The following CELF4 variants were observed in gnomAD, a reference collection of about 807,000 sequenced individuals.
CELF4 encodes the protein CUG-BP- and ETR-3-like factor 4.
CELF4 carries 18 observed loss-of-function variants against 59.9 expected under a neutral mutation model. The observed-to-expected ratio is 0.30, with a 90% CI of 0.21 to 0.45. The LOEUF (loss-of-function observed/expected upper bound fraction) is 0.45, where lower values mean the gene tolerates loss of function less well. Ranked by LOEUF, CELF4 falls within the 20% of genes least tolerant of loss-of-function variation. The probability of loss-of-function intolerance (pLI) is 1.00; values close to 1 mark genes in which losing one functional copy is unlikely to be tolerated. For missense variants in CELF4, 456 were observed against 689.0 expected, an observed-to-expected ratio of 0.66 and a Z score of 3.79; for synonymous variants, 261 against 267.1, an observed-to-expected ratio of 0.98 and a Z score of 0.22.
chr18:37,348,618 G>A lies in CELF4; in HGVS notation c.370-26737C>T, dbSNP rs55758119. Among the ~76,000 whole-genome samples, 1,278 of 152,154 alleles carry A rather than the reference G, an allele frequency of 8.4e-3. 19 individuals are homozygous for A. Among genetic ancestry groups the A allele is most frequent in the African/African-American group, 0.029 (1,206 of 41,468 alleles). On this transcript the variant is annotated intron_variant, in intron 2 of 12. Transcript: ENST00000420428. Reference sequence around the variant, plus strand: ...TTGGAGCAGTGAGGTGGGGTGGGACGGTGGGGGGATGGGAGCAAAATTCCC... The same window carrying A: ...TTGGAGCAGTGAGGTGGGGTGGGACAGTGGGGGGATGGGAGCAAAATTCCC...
At chr18:37,512,667 T>C (rs2099945881) in intron 1 of CELF4, among the ~76,000 whole-genome samples, 1 of 151,208 alleles carries the variant, frequency 6.6e-6, no homozygotes, top group East Asian at 1.9e-4. Context: ...CTCTTTCTTC[T>C]CCTCCTCTTC....
At chr18:37,352,868 G>C (rs2098470226) in intron 2 of CELF4, among the ~76,000 whole-genome samples, 2 of 152,138 alleles carry the variant, frequency 1.3e-5, no homozygotes, top group East Asian at 3.9e-4. Flanking sequence ...TGCAGAGTGG[G>C]ACGGGGTGGA....
intron 2 of CELF4, among the ~76,000 whole-genome samples, chr18:37,358,339 C>T (rs1452525641): frequency 2.0e-5 from 3 of 152,150 alleles, no homozygotes; most frequent in Non-Finnish European, 4.4e-5. Context: ...TGCTGCCATC[C>T]GCAAAAGATG....
At chr18:37,451,685 G>A (rs2099764516) in intron 2 of CELF4, among the ~76,000 whole-genome samples, 1 of 152,176 alleles carries the variant, frequency 6.6e-6, no homozygotes, top group African/African-American at 2.4e-5. Flanking sequence ...TCTCCGGGAG[G>A]GCAGTCGTAC....
chr18:37,451,090 A>G (rs2099762268), intron 2 of CELF4, among the ~76,000 whole-genome samples: 1 of 152,308 alleles, frequency 6.6e-6, no homozygotes, highest in East Asian at 1.9e-4. Flanking sequence ...GAAGGGCTGC[A>G]GAGACCAGGC....
intron 12 of CELF4, among the ~76,000 whole-genome samples, chr18:37,250,088 G>C (rs2064545944): frequency 6.6e-6 from 1 of 152,122 alleles, no homozygotes; most frequent in African/African-American, 2.4e-5. Context: ...GGAACAAGGG[G>C]CTCAGAGGCC....
At chr18:37,554,270 A>G (rs1330718736) in intron 1 of CELF4, among the ~76,000 whole-genome samples, 1 of 152,028 alleles carries the variant, frequency 6.6e-6, no homozygotes, top group Non-Finnish European at 1.5e-5. Flanking sequence ...AACGGCAGTG[A>G]CCCGCAGGGC....
chr18:37,410,515 TGTGTGTTC>T (rs1379356842), intron 2 of CELF4, among the ~76,000 whole-genome samples: 4 of 152,330 alleles, frequency 2.6e-5, no homozygotes, highest in African/African-American at 7.2e-5. Context: ...ACATCATGCC[TGTGTGTTC>T]GTGTGTGCGT....
chr18:37,433,613 T>A (rs975704603), intron 2 of CELF4, among the ~76,000 whole-genome samples: 1 of 152,186 alleles, frequency 6.6e-6, no homozygotes, highest in Admixed American at 6.5e-5. Context: ...GGGGCCACGA[T>A]TGTCCTTGTC....
chr18:37,336,804 T>G (rs995331663), intron 2 of CELF4, among the ~76,000 whole-genome samples: 1 of 152,164 alleles, frequency 6.6e-6, no homozygotes, highest in African/African-American at 2.4e-5. Context: ...TAAACACTAA[T>G]TAGGTTTAGA....
intron 3 of CELF4, among the ~76,000 whole-genome samples, chr18:37,291,270 T>G (rs1603162388): frequency 6.6e-6 from 1 of 152,292 alleles, no homozygotes; most frequent in Middle Eastern, 3.4e-3. Context: ...CTGTGCATCT[T>G]CCCACTGCTG....
chr18:37,342,710 G>T (rs573641093), intron 2 of CELF4, among the ~76,000 whole-genome samples: 20 of 152,346 alleles, frequency 1.3e-4, no homozygotes, highest in African/African-American at 4.3e-4. Flanking sequence ...GAACCTCCAT[G>T]CCTCCATGTG....
At position 37,245,489 on chromosome 18, in the gene CELF4, G is replaced by T. The variant is rs1205221999; in HGVS notation, c.*45-292C>A. Among the ~76,000 whole-genome samples the T allele has an allele frequency of 6.6e-6, 1 of 152,110 alleles. No homozygotes were observed. Among genetic ancestry groups the T allele is most frequent in the East Asian group, 1.9e-4 (1 of 5,188 alleles). ...GTTACTTTAGCATTCTGGATTGGGGGTAGCTACATCTAAGGGGAGAATTTG... is the reference window on the plus strand; with the variant it reads ...GTTACTTTAGCATTCTGGATTGGGGTTAGCTACATCTAAGGGGAGAATTTG... On this transcript the variant is annotated intron_variant, in intron 12 of 12. Coordinates refer to ENST00000420428, the MANE Select transcript of CELF4 (RefSeq NM_020180.4). This position sits in a 1 kb window ranked among gnomAD's most constrained non-coding sequence, Gnocchi z 4.1.
At chr18:37,374,658 G>C (rs968992833) in intron 2 of CELF4, among the ~76,000 whole-genome samples, 1 of 152,166 alleles carries the variant, frequency 6.6e-6, no homozygotes, top group Non-Finnish European at 1.5e-5. Flanking sequence ...GCATTGTTCT[G>C]AGTCAGTCTC....
chr18:37,330,041 G>A (rs570502794), intron 2 of CELF4, among the ~76,000 whole-genome samples: 1 of 152,224 alleles, frequency 6.6e-6, no homozygotes, highest in East Asian at 1.9e-4. Flanking sequence ...CAATTTTGAG[G>A]GGATAGACCA....
At chr18:37,437,030 C>T (rs183351385) in intron 2 of CELF4, among the ~76,000 whole-genome samples, 32 of 152,264 alleles carry the variant, frequency 2.1e-4, no homozygotes, top group Admixed American at 1.2e-3. Flanking sequence ...TCTCACTCAC[C>T]CCCTCCCCAG....
chr18:37,383,927 C>T (rs776407833), intron 2 of CELF4, among the ~76,000 whole-genome samples: 1 of 152,076 alleles, frequency 6.6e-6, no homozygotes, highest in Non-Finnish European at 1.5e-5. Flanking sequence ...CATGTCTGCC[C>T]TGTGGGTTGT....
chr18:37,434,317 C>T (rs1056988224), intron 2 of CELF4, among the ~76,000 whole-genome samples: 10 of 152,164 alleles, frequency 6.6e-5, no homozygotes, highest in African/African-American at 1.9e-4. Context: ...TCATGGAAAG[C>T]CCCGGAGGCT....
At chr18:37,261,149 C>T (rs1451172340) in intron 10 of CELF4, among the ~76,000 whole-genome samples, 1 of 152,184 alleles carries the variant, frequency 6.6e-6, no homozygotes, top group African/African-American at 2.4e-5. Flanking sequence ...GGCTCTTTCT[C>T]TTTTATGTCT....
Sources: gnomAD v4.1 joint callset for allele counts (sites outside exome capture counted in the v4.1 genomes callset) on GRCh38, gnomAD v4.1.1 for gene constraint, Gnocchi (gnomAD v3.1) non-coding constraint, MANE v1.5 for transcripts, NCBI Gene and HGNC (gene_info 2026-07-23, HGNC 2026-07-21) for gene names.